ADAM18: variants seen among roughly 807,000 people sequenced by gnomAD.
ADAM18 encodes the protein ADAM metallopeptidase domain 18.
In ADAM18, 117 loss-of-function variants were observed where a neutral mutation model predicts 94.4. The observed-to-expected ratio is 1.24, with a 90% confidence interval of 1.07 to 1.45. The LOEUF (loss-of-function observed/expected upper bound fraction) is 1.45. ADAM18 is among the 40% of genes most tolerant of loss of function. ADAM18 has a pLI of 0.00. For missense variants in ADAM18, 936 were observed against 880.0 expected, an observed-to-expected ratio of 1.06 and a Z score of -0.81; for synonymous variants, 327 against 291.6, an observed-to-expected ratio of 1.12 and a Z score of -1.24.
intron 5 of ADAM18, among the ~76,000 whole-genome samples, chr8:39,609,824 T>C (rs1019402657): frequency 6.6e-6 from 1 of 152,172 alleles, no homozygotes; most frequent in Non-Finnish European, 1.5e-5. Flanking sequence ...AGTATGATTG[T>C]TGCATTCTGC....
intron 6 of ADAM18, among the ~76,000 whole-genome samples, chr8:39,615,540 C>T (rs1004631736): frequency 3.3e-5 from 5 of 152,096 alleles, no homozygotes; most frequent in Non-Finnish European, 7.4e-5. Context: ...GAACCCTTAA[C>T]AAACTAGGTA....
intron 14 of ADAM18, 47 bp from the exon 15 acceptor site, chr8:39,677,384 A>G (rs1821327758): frequency 1.4e-6 from 2 of 1,425,838 alleles, no homozygotes; most frequent in Admixed American, 2.1e-5. Flanking sequence ...ACAAACATTT[A>G]ACTCATATTA....
chr8:39,600,229 T>C (rs2129458268), intron 2 of ADAM18, among the ~76,000 whole-genome samples: 1 of 152,274 alleles, frequency 6.6e-6, no homozygotes, highest in South Asian at 2.1e-4. Flanking sequence ...CAAAGTTTTA[T>C]GGATTATGGC....
intron 2 of ADAM18, among the ~76,000 whole-genome samples, chr8:39,591,511 A>G (rs753182590): frequency 2.0e-4 from 30 of 152,200 alleles, no homozygotes; most frequent in African/African-American, 7.0e-4. Context: ...ACCCGTGAGA[A>G]GTAACTCCTC....
chr8:39,714,918 A>G (rs1379539722), intron 18 of ADAM18, among the ~76,000 whole-genome samples: 1 of 152,110 alleles, frequency 6.6e-6, no homozygotes, highest in Non-Finnish European at 1.5e-5. Flanking sequence ...TTGCAGACAG[A>G]CAATGTTAAG....
chr8:39,692,523 A>G, intron 16 of ADAM18, 77 bp from the exon 17 acceptor site: 1 of 788,106 alleles, frequency 1.3e-6, no homozygotes, highest in Admixed American at 2.7e-5. Flanking sequence ...TCTTATACAT[A>G]TATAGAAATC....
intron 2 of ADAM18, among the ~76,000 whole-genome samples, chr8:39,590,290 A>G (rs1818533001): frequency 6.6e-6 from 1 of 152,140 alleles, no homozygotes; most frequent in Non-Finnish European, 1.5e-5. Flanking sequence ...TTGTGGGGAC[A>G]TGGATGAAAT....
At chr8:39,713,602 C>A (rs951271924) in intron 18 of ADAM18, among the ~76,000 whole-genome samples, 14 of 151,984 alleles carry the variant, frequency 9.2e-5, no homozygotes, top group African/African-American at 3.1e-4. Context: ...AAGAAAAAAA[C>A]AAACAACCCC....
rs766974116 is a variant in ADAM18, at chr8:39,668,228, T to C, written c.1525+32T>C. The C allele has an allele frequency of 2.5e-6, 4 of 1,601,834 alleles. No individual in the cohort carries two copies. The Admixed American group carries it at 6.7e-5, about 27-fold the overall frequency. ...CTCTTTCTTTCGTATTTATTTTACC[T>C]TACATTTGCATCTCTCTGTAGAGTA... On this transcript the variant is annotated intron_variant, in intron 14 of 19. Coordinates refer to ENST00000265707, the MANE Select transcript of ADAM18 (RefSeq NM_014237.3).
intron 17 of ADAM18, 59 bp from the exon 18 acceptor site, chr8:39,706,731 C>T (rs1822251881): frequency 4.7e-6 from 4 of 852,290 alleles, no homozygotes; most frequent in East Asian, 2.5e-5. Flanking sequence ...ATACAAAGAC[C>T]TTGTATCAGA....
chr8:39,687,589 A>C (rs1188056484), intron 16 of ADAM18, among the ~76,000 whole-genome samples: 2 of 152,150 alleles, frequency 1.3e-5, no homozygotes, highest in Non-Finnish European at 2.9e-5. Flanking sequence ...ATAGTACCCA[A>C]TAAGTAGCCT....
chr8:39,620,208 A>G (rs1819567042), intron 6 of ADAM18, among the ~76,000 whole-genome samples: 1 of 152,080 alleles, frequency 6.6e-6, no homozygotes, highest in African/African-American at 2.4e-5. Flanking sequence ...CTCTGAACTT[A>G]TACAAAAAGA....
At chr8:39,710,856 C>T (rs996252975) in intron 18 of ADAM18, among the ~76,000 whole-genome samples, 2 of 152,014 alleles carry the variant, frequency 1.3e-5, no homozygotes, top group African/African-American at 4.8e-5. Flanking sequence ...TTCAAAATTA[C>T]GTGGATATAT....
intron 18 of ADAM18, among the ~76,000 whole-genome samples, chr8:39,713,557 T>C (rs935395267): frequency 2.6e-5 from 4 of 152,112 alleles, no homozygotes; most frequent in Non-Finnish European, 5.9e-5. Context: ...AAAGTGCTAA[T>C]ATCCAGAATC....
intron 7 of ADAM18, among the ~76,000 whole-genome samples, chr8:39,632,607 T>C (rs1448721538): frequency 1.3e-5 from 2 of 152,170 alleles, no homozygotes; most frequent in East Asian, 1.9e-4. Flanking sequence ...AATAATGGTA[T>C]GCTATATTCC....
chr8:39,684,573 G>A (rs939374864), intron 16 of ADAM18, among the ~76,000 whole-genome samples: 2 of 152,126 alleles, frequency 1.3e-5, no homozygotes, highest in Non-Finnish European at 2.9e-5. Context: ...TTAGGCTAGA[G>A]TTTCACACCA....
intron 18 of ADAM18, among the ~76,000 whole-genome samples, chr8:39,707,189 G>A (rs1049695940): frequency 9.2e-5 from 14 of 152,122 alleles, no homozygotes; most frequent in African/African-American, 3.4e-4. Flanking sequence ...TTATGCCATG[G>A]CGTCTCCTTT....
chr8:39,653,384 AGAT>A (rs1444165202), intron 12 of ADAM18, among the ~76,000 whole-genome samples: 1 of 152,214 alleles, frequency 6.6e-6, no homozygotes, highest in Non-Finnish European at 1.5e-5. Flanking sequence ...AAAAATGGTA[AGAT>A]GATATCATGT....
intron 12 of ADAM18, among the ~76,000 whole-genome samples, chr8:39,662,429 T>A (rs1346824083): frequency 1.3e-5 from 2 of 152,156 alleles, no homozygotes; most frequent in Admixed American, 6.6e-5. Flanking sequence ...TATGAAAAAG[T>A]GTGAACAAAT....
Sources: allele counts gnomAD v4.1 joint callset (sites outside exome capture counted in the v4.1 genomes callset), GRCh38; gene constraint gnomAD v4.1.1; transcripts MANE v1.5; gene names NCBI Gene and HGNC (gene_info 2026-07-23, HGNC 2026-07-21).